Variants in ZC3H14 observed in about 807,000 individuals in gnomAD.
The protein encoded by ZC3H14 is zinc finger CCCH domain-containing protein 14.
Under a neutral mutation model 92.4 loss-of-function variants are expected in ZC3H14, and 31 were observed. That is an observed-to-expected ratio of 0.34 (90% CI 0.25 to 0.45). The LOEUF (loss-of-function observed/expected upper bound fraction) is 0.45. Ranked by LOEUF, ZC3H14 falls within the 20% of genes least tolerant of loss-of-function variation. The pLI is 1.00. For missense variants in ZC3H14, 781 were observed against 897.3 expected, an observed-to-expected ratio of 0.87 and a Z score of 1.66; for synonymous variants, 321 against 300.9, an observed-to-expected ratio of 1.07 and a Z score of -0.69.
chr14:88,574,418 G>A, intron 6 of ZC3H14: 1 of 373,380 alleles, frequency 2.7e-6, no homozygotes, highest in South Asian at 2.2e-5. Context: ...GCTAATTTTT[G>A]TATTTTTATA....
At chr14:88,575,294 T>C (rs2081017958) in intron 7 of ZC3H14, among the ~76,000 whole-genome samples, 1 of 152,216 alleles carries the variant, frequency 6.6e-6, no homozygotes, top group Non-Finnish European at 1.5e-5. Context: ...AGAAACACGT[T>C]AATGAGAGAA....
intron 10 of ZC3H14, among the ~76,000 whole-genome samples, chr14:88,598,218 A>G (rs1200993673): frequency 6.6e-6 from 1 of 152,086 alleles, no homozygotes; most frequent in Non-Finnish European, 1.5e-5. Flanking sequence ...GAGTTGGGGC[A>G]TGGGGCACTT....
chr14:88,618,747 A>G lies in ZC3H14; in HGVS notation c.*6996A>G, dbSNP rs763433355. 1 of 1,605,168 alleles carries G rather than the reference A, an allele frequency of 6.2e-7. No individual in the cohort carries two copies. The highest frequency in any genetic ancestry group is 8.5e-7 in the Non-Finnish European group (1 of 1,175,150). On this transcript the variant is annotated 3_prime_UTR_variant, in exon 17 of 17. Transcript: ENST00000251038. ...TCTGTTAAGAGTGGGGCCCAGCGTT[A>G]GGTCATAAAAATCCACTGAGTTCTC...
In ZC3H14 at chr14:88,594,423, C is replaced by T. The variant is rs572147297; in HGVS notation, c.1280-2311C>T. 5.1e-6 allele frequency: 6 copies of T among 1,182,720 alleles called. No homozygotes were observed. In the African/African-American group the frequency reaches 9.4e-5, roughly 19 times the overall value. The allele number at this position is 1,182,720 out of a possible 1,614,324, so 73.3% of individuals were successfully genotyped here. A position where few individuals can be genotyped will look rare whatever the true frequency, so the allele number is the denominator to read the frequency against. Reference sequence around the variant, plus strand: ...AGGGTTTACTGGAAGAGGAGCTATACAGATGGTACTTAGAGGATGTAGGGC... The same window carrying T: ...AGGGTTTACTGGAAGAGGAGCTATATAGATGGTACTTAGAGGATGTAGGGC... On this transcript the variant is annotated intron_variant, in intron 9 of 16. Coordinates refer to ENST00000251038, the MANE Select transcript of ZC3H14 (RefSeq NM_024824.5).
In ZC3H14 at chr14:88,625,801, ATGTAAG is replaced by A. The variant is rs2089855588; in HGVS notation, c.*14055_*14060del. ...CATTTCAATAGTCTTTTTCTCAAAA[ATGTAAG>A]TGTACTTAAATATTCTAAAATTATA... On this transcript the variant is annotated 3_prime_UTR_variant, in exon 17 of 17. Coordinates refer to ENST00000251038, the MANE Select transcript of ZC3H14 (RefSeq NM_024824.5). The A allele has an allele frequency of 6.6e-6, 1 of 152,272 alleles. No homozygotes were observed. Among genetic ancestry groups the A allele is most frequent in the South Asian group, 2.1e-4 (1 of 4,834 alleles). 9.4% of individuals were successfully genotyped at this position (152,272 alleles called of 1,614,324 possible).
At chr14:88,600,348 C>T (rs1244165060) in intron 10 of ZC3H14, among the ~76,000 whole-genome samples, 2 of 152,192 alleles carry the variant, frequency 1.3e-5, no homozygotes, top group Admixed American at 6.5e-5. Context: ...AACAGCAGGT[C>T]GAGAACTCTG....
chr14:88,586,408 TTTTC>T (rs1196506290), intron 9 of ZC3H14, among the ~76,000 whole-genome samples: 2 of 152,338 alleles, frequency 1.3e-5, no homozygotes, highest in East Asian at 3.9e-4. Context: ...CCTGTGAGTG[TTTTC>T]TTTCTTTGTG....
intron 9 of ZC3H14, among the ~76,000 whole-genome samples, chr14:88,588,566 T>C (rs1017353146): frequency 3.3e-5 from 5 of 152,188 alleles, no homozygotes; most frequent in African/African-American, 1.2e-4. Context: ...CGGGAACTTT[T>C]TTTTTTCTAT....
intron 9 of ZC3H14, among the ~76,000 whole-genome samples, chr14:88,579,219 A>G (rs1043938625): frequency 2.6e-5 from 4 of 152,066 alleles, no homozygotes; most frequent in Non-Finnish European, 4.4e-5. Flanking sequence ...AGAATTGTCA[A>G]TTCTGTATTT....
At chr14:88,605,568 A>G (rs528738494) in intron 12 of ZC3H14, among the ~76,000 whole-genome samples, 1 of 152,218 alleles carries the variant, frequency 6.6e-6, no homozygotes, top group South Asian at 2.1e-4. Context: ...TCCTGAGCTC[A>G]AGTGATCTGC....
In ZC3H14 at chr14:88,616,333, T is replaced by C. The variant is rs1482875036; in HGVS notation, c.*4582T>C. On this transcript the variant is annotated 3_prime_UTR_variant, in exon 17 of 17. Coordinates refer to ENST00000251038, the MANE Select transcript of ZC3H14 (RefSeq NM_024824.5). The stretch of plus-strand genomic sequence containing the variant: ...GAACTATAATCTCTATGACAAGAGC[T>C]GTGGAGAGAGTAGGGAGTTAGCACC... 7.9e-7 allele frequency: 1 copy of C among 1,273,650 alleles called. No homozygotes were observed. Among genetic ancestry groups the C allele is most frequent in the Non-Finnish European group, 1.1e-6 (1 of 877,322 alleles). The allele number at this position is 1,273,650 out of a possible 1,614,324, so 78.9% of individuals were successfully genotyped here.
chr14:88,572,641 AG>A lies in ZC3H14; in HGVS notation c.496del (p.Ala166HisfsTer6). The A allele has an allele frequency of 6.2e-7, 1 of 1,614,214 alleles. No individual in the cohort carries two copies. The highest frequency in any genetic ancestry group is 8.5e-7 in the Non-Finnish European group (1 of 1,180,046). On this transcript the variant is annotated frameshift_variant, in exon 6 of 17. Transcript: ENST00000251038. LOFTEE classifies it high-confidence loss of function. The stretch of plus-strand genomic sequence containing the variant: ...CAACAGTGAAACCTTTGAGGGAGCC[AG>A]CACCCTCTGAAGATGTGATTGATAT... ...MSTVKPLREP[A>X]PSEDVIDIKP...
Position 88,574,806 on chromosome 14 carries a change from A to G in ZC3H14, c.975A>G (p.Thr325=). 1 of 1,614,258 alleles carries G rather than the reference A, an allele frequency of 6.2e-7. No individual in the cohort carries two copies. Among genetic ancestry groups the G allele is most frequent in the Non-Finnish European group, 8.5e-7 (1 of 1,180,040 alleles). Residue 325 remains threonine (T), a synonymous_variant, in exon 7 of 17, where the codon ACA becomes ACG. Transcript: ENST00000251038. ...AAGATGATGATTACGGGTCTCGAAC[A>G]GGAAGCATCTCCAGCAGTGTGTCTG... is the stretch of plus-strand genomic sequence containing the variant. The part of the protein sequence containing the change: ...EEEDDDYGSR[T]GSISSSVSVP...
At chr14:88,571,669 TA>T (rs1359546762) in intron 4 of ZC3H14, among the ~76,000 whole-genome samples, 1 of 152,118 alleles carries the variant, frequency 6.6e-6, no homozygotes, top group East Asian at 1.9e-4. Flanking sequence ...CTTAAAGTAA[TA>T]AAAATAGATG....
intron 10 of ZC3H14, among the ~76,000 whole-genome samples, chr14:88,598,162 A>C (rs946509052): frequency 2.6e-5 from 4 of 151,984 alleles, no homozygotes; most frequent in Non-Finnish European, 4.4e-5. Flanking sequence ...GTGGTCTTAC[A>C]TTTAAGAGTG....
In ZC3H14 at chr14:88,616,092, T is replaced by C. The variant is rs1276128888; in HGVS notation, c.*4341T>C. 8 of 1,580,718 alleles carry C rather than the reference T, an allele frequency of 5.1e-6. No homozygotes were observed. Among genetic ancestry groups the C allele is most frequent in the African/African-American group, 4.0e-5 (3 of 74,244 alleles). ...GCTGTAGGAGTTGTTGTATTAAGTCTCTTAACTAGTAACATAGTCTGCTCT... is the reference window on the plus strand; with the variant it reads ...GCTGTAGGAGTTGTTGTATTAAGTCCCTTAACTAGTAACATAGTCTGCTCT... On this transcript the variant is annotated 3_prime_UTR_variant, in exon 17 of 17. Transcript: ENST00000251038.
rs759729873 is a variant in ZC3H14, at chr14:88,615,828, G to A, written c.*4077G>A. 3 of 1,611,890 alleles carry A rather than the reference G, an allele frequency of 1.9e-6. No individual in the cohort carries two copies. The highest frequency in any genetic ancestry group is 1.7e-4 in the Middle Eastern group (1 of 6,060). On this transcript the variant is annotated 3_prime_UTR_variant, in exon 17 of 17. Transcript: ENST00000251038. ...TCATCTCAGCATCTCTCAGTGAGGT[G>A]TATGTACACATTTCCAGACAAATAA...
At position 88,611,774 on chromosome 14, in the gene ZC3H14, G is replaced by C. The variant is rs751357938; in HGVS notation, c.*23G>C. On this transcript the variant is annotated 3_prime_UTR_variant, in exon 17 of 17. Coordinates refer to ENST00000251038, the MANE Select transcript of ZC3H14 (RefSeq NM_024824.5). ...TAGCACCCAGTCCTGCCTGGCAGAA[G>C]ATCATGCAGTTTGGAAGTTTTCATG... 1.2e-6 allele frequency: 2 copies of C among 1,613,836 alleles called. No homozygotes were observed. The highest frequency in any genetic ancestry group is 2.2e-5 in the East Asian group (1 of 44,874).
Position 88,601,935 on chromosome 14 carries a change from A to G in ZC3H14, c.1366A>G (p.Met456Val). ...TTTTTTTGGCTCAGATTACTATGAC[A>G]TGGAATCCATGGTCCATGCAGACAC... ...TLQMSQDYYD[M>V]ESMVHADTRS... The change falls in exon 11 of 17, where the codon ATG becomes GTG. Residue 456 changes from methionine to valine, a missense_variant. By Grantham distance (21) the Met-to-Val change is conservative. Transcript: ENST00000251038. 1 of 1,614,104 alleles carries G rather than the reference A, an allele frequency of 6.2e-7. No individual in the cohort carries two copies. Among genetic ancestry groups the G allele is most frequent in the South Asian group, 1.1e-5 (1 of 91,086 alleles).
Sources: allele counts gnomAD v4.1 joint callset (sites outside exome capture counted in the v4.1 genomes callset), GRCh38; gene constraint gnomAD v4.1.1; transcripts MANE v1.5; gene names NCBI Gene and HGNC (gene_info 2026-07-23, HGNC 2026-07-21).